The following FOXO1 variants were observed in gnomAD, a reference collection of about 807,000 sequenced individuals.
FOXO1 encodes the protein forkhead box O1, also known as forkhead box protein O1.
In FOXO1, 6 loss-of-function variants were observed where a neutral mutation model predicts 44.1. The ratio of observed to expected loss-of-function variants is 0.14; its 90% CI spans 0.07 to 0.27. The LOEUF (loss-of-function observed/expected upper bound fraction) is 0.27, where lower values mean the gene tolerates loss of function less well. FOXO1 is among the 10% of genes least tolerant of loss of function. FOXO1 has a pLI of 1.00. For synonymous variants in FOXO1, 380 were observed against 362.7 expected (o/e 1.05, Z -0.54); for missense variants, 737 against 888.8 (o/e 0.83, Z 2.17).
chr13:40,640,776 GTTGTTGTTGTTGTTGTTGTTGTT>G (rs986409177), intron 1 of FOXO1, among the ~76,000 whole-genome samples: 3 of 120,440 alleles, frequency 2.5e-5, no homozygotes, highest in African/African-American at 1.1e-4. Flanking sequence ...TGTTGTTGTT[GTTGTTGTTGTTGTTGTTGTTGTT>G]TGAGACAGAG....
chr13:40,655,637 CTTTTTT>C (rs774180443), intron 1 of FOXO1, among the ~76,000 whole-genome samples: 1 of 101,288 alleles, frequency 9.9e-6, no homozygotes, highest in African/African-American at 4.1e-5. Flanking sequence ...TTCTACACTT[CTTTTTT>C]TTTTTTTTTT....
intron 1 of FOXO1, among the ~76,000 whole-genome samples, chr13:40,590,794 T>C (rs957165774): frequency 2.6e-5 from 4 of 152,144 alleles, no homozygotes; most frequent in Admixed American, 1.3e-4. Flanking sequence ...GCTAGGGGCT[T>C]GAGAGAGATT....
At chr13:40,618,057 C>T (rs937472353) in intron 1 of FOXO1, among the ~76,000 whole-genome samples, 2 of 152,270 alleles carry the variant, frequency 1.3e-5, no homozygotes, top group Middle Eastern at 3.4e-3. Context: ...TTTCTTCCAG[C>T]GTACTGCAAG....
At chr13:40,653,831 A>G (rs567258536) in intron 1 of FOXO1, among the ~76,000 whole-genome samples, 1 of 152,304 alleles carries the variant, frequency 6.6e-6, no homozygotes, top group South Asian at 2.1e-4. Context: ...AACACCTTCA[A>G]GATGGGGAAA....
At chr13:40,663,747 G>C (rs1223099256) in intron 1 of FOXO1, among the ~76,000 whole-genome samples, 1 of 152,214 alleles carries the variant, frequency 6.6e-6, no homozygotes, top group Non-Finnish European at 1.5e-5. Context: ...GTAATGAAGC[G>C]ATAAGTGATA....
At chr13:40,590,528 T>C (rs535270537) in intron 1 of FOXO1, among the ~76,000 whole-genome samples, 2 of 152,304 alleles carry the variant, frequency 1.3e-5, no homozygotes, top group South Asian at 2.1e-4. Context: ...ATATGGAACC[T>C]TGAAACCACA....
intron 1 of FOXO1, among the ~76,000 whole-genome samples, chr13:40,618,036 C>T (rs534911503): frequency 1.3e-5 from 2 of 152,268 alleles, no homozygotes; most frequent in South Asian, 2.1e-4. Flanking sequence ...CATCATCTGC[C>T]GTTCTAGATA....
intron 1 of FOXO1, among the ~76,000 whole-genome samples, chr13:40,633,196 C>T (rs1312881991): frequency 6.6e-6 from 1 of 152,230 alleles, no homozygotes; most frequent in Non-Finnish European, 1.5e-5. Context: ...AGCAGTTTGA[C>T]AGTTCCTCAA....
intron 1 of FOXO1, chr13:40,619,628 G>A (rs983423068): frequency 1.2e-5 from 19 of 1,542,854 alleles, no homozygotes; most frequent in Non-Finnish European, 1.7e-5. Flanking sequence ...CCTGTGGCTA[G>A]GCGAACAAGA....
Position 40,560,549 on chromosome 13 carries a change from G to A in FOXO1, c.942C>T (p.Arg314=), listed in dbSNP as rs139854338. 3.7e-6 allele frequency: 6 copies of A among 1,614,044 alleles called. No individual in the cohort carries two copies. In the African/African-American group the frequency reaches 6.7e-5, roughly 18 times the overall value. ...TACTAGCATTTGAGCTAGTTCGAGG[G>A]CGAAATGTACTCCAGTTATCAAAGT... ...NDDFDNWSTF[R]PRTSSNASTI... is the part of the protein sequence containing the mutation. The change falls in exon 2 of 3, where the codon CGC becomes CGT. Residue 314 remains arginine (R), a synonymous_variant. Coordinates refer to ENST00000379561, the MANE Select transcript of FOXO1 (RefSeq NM_002015.4). The surrounding 1 kb of genome is among the most constrained non-coding windows in gnomAD (Gnocchi z 5.1).
At chr13:40,660,425 A>G (rs1317558884) in intron 1 of FOXO1, among the ~76,000 whole-genome samples, 3 of 152,230 alleles carry the variant, frequency 2.0e-5, no homozygotes, top group African/African-American at 7.2e-5. Context: ...GTGTTCCAGA[A>G]AAATGCAAAT....
At chr13:40,656,769 T>C (rs1032715579) in intron 1 of FOXO1, among the ~76,000 whole-genome samples, 1 of 152,220 alleles carries the variant, frequency 6.6e-6, no homozygotes, top group Non-Finnish European at 1.5e-5. Context: ...ATTTTCATAA[T>C]ATGTCCTTTC....
intron 1 of FOXO1, among the ~76,000 whole-genome samples, chr13:40,607,863 C>T (rs1025349298): frequency 6.6e-6 from 1 of 152,212 alleles, no homozygotes; most frequent in African/African-American, 2.4e-5. Context: ...AACAAGGGGC[C>T]CATGACAGAA....
In FOXO1 at chr13:40,566,173, G is replaced by A. The variant is rs538001170; in HGVS notation, c.631-5313C>T. Reference sequence around the variant, plus strand: ...GCAGCAGCAGGGGTTGGCAGAGCAGGGACCTCAACAGGCCAGTTGGGAAGC... The same window carrying A: ...GCAGCAGCAGGGGTTGGCAGAGCAGAGACCTCAACAGGCCAGTTGGGAAGC... On this transcript the variant is annotated intron_variant, in intron 1 of 2. Transcript: ENST00000379561. 6.3e-4 allele frequency among the ~76,000 whole-genome samples: 96 copies of A among 152,258 alleles called. 2 individuals carry two copies. In the South Asian group the frequency reaches 0.016, roughly 25 times the overall value.
At chr13:40,593,847 G>C (rs921038985) in intron 1 of FOXO1, among the ~76,000 whole-genome samples, 2 of 151,978 alleles carry the variant, frequency 1.3e-5, no homozygotes, top group African/African-American at 4.8e-5. Context: ...CTCAACTTTT[G>C]GCTCTGAGAT....
intron 1 of FOXO1, among the ~76,000 whole-genome samples, chr13:40,595,886 T>C (rs1402159883): frequency 6.6e-6 from 1 of 151,966 alleles, no homozygotes; most frequent in Non-Finnish European, 1.5e-5. Context: ...AACAGTGACA[T>C]GTGAGTCTCT....
intron 1 of FOXO1, among the ~76,000 whole-genome samples, chr13:40,654,188 C>T (rs1273849275): frequency 4.6e-5 from 7 of 151,602 alleles, no homozygotes; most frequent in Non-Finnish European, 7.4e-5. Flanking sequence ...TTAAGACAAA[C>T]ATCATCTGAC....
intron 1 of FOXO1, among the ~76,000 whole-genome samples, chr13:40,661,735 C>T (rs1878043374): frequency 6.6e-6 from 1 of 152,190 alleles, no homozygotes; most frequent in Admixed American, 6.5e-5. Flanking sequence ...ATCTTTCTAA[C>T]GGGATCTCTG....
chr13:40,592,901 T>C (rs1181433349), intron 1 of FOXO1, among the ~76,000 whole-genome samples: 4 of 152,214 alleles, frequency 2.6e-5, no homozygotes, highest in African/African-American at 4.8e-5. Context: ...ATATGGTTTC[T>C]AGTACCAAAC....
Sources: gnomAD v4.1 joint callset for allele counts (sites outside exome capture counted in the v4.1 genomes callset) on GRCh38, gnomAD v4.1.1 for gene constraint, Gnocchi (gnomAD v3.1) non-coding constraint, MANE v1.5 for transcripts, NCBI Gene and HGNC (gene_info 2026-07-23, HGNC 2026-07-21) for gene names.